The following JAKMIP3 variants were observed in gnomAD, a reference collection of about 807,000 sequenced individuals.
JAKMIP3 encodes Janus kinase and microtubule interacting protein 3.
JAKMIP3 carries 58 observed loss-of-function variants against 118.5 expected under a neutral mutation model. The observed-to-expected ratio is 0.49, with a 90% CI of 0.40 to 0.61. The LOEUF (loss-of-function observed/expected upper bound fraction) is 0.61, where lower values mean the gene tolerates loss of function less well. JAKMIP3 is among the 20% of genes least tolerant of loss of function. The probability of loss-of-function intolerance (pLI) is 0.00; values close to 1 mark genes in which losing one functional copy is unlikely to be tolerated. For synonymous variants in JAKMIP3, 486 were observed against 451.2 expected, an observed-to-expected ratio of 1.08 and a Z score of -0.98; for missense variants, 950 against 1,109.0, an observed-to-expected ratio of 0.86 and a Z score of 2.04.
intron 23 of JAKMIP3, chr10:132,169,773 G>C (rs2059301113): frequency 6.6e-6 from 1 of 152,354 alleles, no homozygotes; most frequent in South Asian, 2.1e-4. Flanking sequence ...TCCCTGCGTA[G>C]AAAATGGGAG....
chr10:132,125,570 G>T (rs927227658), intron 3 of JAKMIP3, among the ~76,000 whole-genome samples: 2 of 152,194 alleles, frequency 1.3e-5, no homozygotes, highest in African/African-American at 4.8e-5. Flanking sequence ...ACTTAAATCA[G>T]CTTGTCAGTT....
chr10:132,159,458 G>C (rs2057599732), intron 19 of JAKMIP3, among the ~76,000 whole-genome samples: 1 of 127,362 alleles, frequency 7.9e-6, no homozygotes, highest in Non-Finnish European at 1.6e-5. Flanking sequence ...ATGCTGGGTG[G>C]GGGGGCTCTC....
chr10:132,081,378 A>G (rs1030460024), intron 1 of JAKMIP3, among the ~76,000 whole-genome samples: 10 of 152,124 alleles, frequency 6.6e-5, no homozygotes, highest in Non-Finnish European at 1.2e-4. Context: ...TTTTTTGTCT[A>G]TGGTAGGAGC....
At position 132,182,847 on chromosome 10, in the gene JAKMIP3, G is replaced by A. The variant is rs2061602896; in HGVS notation, c.*1594G>A. The stretch of plus-strand genomic sequence containing the variant: ...GCATGGCTCCCTAGGTTGAAATCAG[G>A]GAAAAGCTAATAGTATCAGACAGAT... On this transcript the variant is annotated 3_prime_UTR_variant, in exon 24 of 24. Transcript: ENST00000684848. The A allele has an allele frequency of 6.6e-6, 1 of 152,152 alleles. No individual in the cohort carries two copies. Among genetic ancestry groups the A allele is most frequent in the African/African-American group, 2.4e-5 (1 of 41,430 alleles). 9.4% of individuals were successfully genotyped at this position (152,152 alleles called of 1,614,324 possible).
intron 23 of JAKMIP3, among the ~76,000 whole-genome samples, chr10:132,178,877 T>A (rs1467061407): frequency 6.6e-6 from 1 of 152,042 alleles, no homozygotes; most frequent in Admixed American, 6.5e-5. Context: ...GGCAGGGGCC[T>A]GTTCCTCCGG....
chr10:132,146,986 A>G (rs572029532), intron 13 of JAKMIP3, among the ~76,000 whole-genome samples: 37 of 152,350 alleles, frequency 2.4e-4, no homozygotes, highest in African/African-American at 7.7e-4. Context: ...AAATGCTGGC[A>G]TGTACACTTG....
intron 13 of JAKMIP3, among the ~76,000 whole-genome samples, chr10:132,145,931 C>A (rs1214997095): frequency 6.6e-6 from 1 of 152,178 alleles, no homozygotes; most frequent in Non-Finnish European, 1.5e-5. Context: ...TAGAATCATC[C>A]CCCTGGGAAG....
chr10:132,138,939 C>T (rs2052492666), intron 9 of JAKMIP3, among the ~76,000 whole-genome samples: 1 of 152,216 alleles, frequency 6.6e-6, no homozygotes, highest in Admixed American at 6.5e-5. Context: ...ATGTGAACAC[C>T]TGTCATCATT....
At chr10:132,038,057 G>A (rs1327997630) in intron 1 of JAKMIP3, among the ~76,000 whole-genome samples, 3 of 152,236 alleles carry the variant, frequency 2.0e-5, no homozygotes, top group Admixed American at 6.5e-5. Flanking sequence ...AGTTCATTGA[G>A]GATATAGTTT....
intron 2 of JAKMIP3, among the ~76,000 whole-genome samples, chr10:132,113,255 C>T (rs977966600): frequency 6.6e-6 from 1 of 152,218 alleles, no homozygotes; most frequent in Non-Finnish European, 1.5e-5. Flanking sequence ...TGCACCCAGT[C>T]ACTTTTATAC....
intron 23 of JAKMIP3, among the ~76,000 whole-genome samples, chr10:132,170,742 G>A (rs1025883316): frequency 2.6e-5 from 4 of 152,194 alleles, no homozygotes; most frequent in Admixed American, 6.5e-5. Context: ...CAGGCCTGTC[G>A]GCATGGCGGG....
At chr10:132,148,563 G>A (rs959036817) in intron 14 of JAKMIP3, among the ~76,000 whole-genome samples, 1 of 152,166 alleles carries the variant, frequency 6.6e-6, no homozygotes, top group Admixed American at 6.5e-5. Flanking sequence ...AGCTGGTGTG[G>A]GGCTCTGTCC....
At chr10:132,070,361 T>C (rs2039644155) in intron 1 of JAKMIP3, among the ~76,000 whole-genome samples, 1 of 152,208 alleles carries the variant, frequency 6.6e-6, no homozygotes, top group African/African-American at 2.4e-5. Flanking sequence ...TTGGTCAGGC[T>C]GGTCTTGAAC....
At chr10:132,159,824 GGC>G (rs2057794640) in intron 19 of JAKMIP3, among the ~76,000 whole-genome samples, 14 of 75,556 alleles carry the variant, frequency 1.9e-4, no homozygotes, top group East Asian at 8.9e-4. Flanking sequence ...GATGCTGGGG[GGC>G]CTCTCCCTGT....
chr10:132,142,494 CG>C (rs1295946122), intron 11 of JAKMIP3, among the ~76,000 whole-genome samples: 1 of 152,206 alleles, frequency 6.6e-6, no homozygotes, highest in Non-Finnish European at 1.5e-5. Flanking sequence ...GCCCCGGCCC[CG>C]GCCCCTCTCC....
chr10:132,183,427 G>T lies in JAKMIP3; in HGVS notation c.*2174G>T, dbSNP rs746439808. ...CCCTCATGTTTATTTGGGTCATCATGGTTTAGCATGTTGTATATATGTCTG... is the reference window on the plus strand; with the variant it reads ...CCCTCATGTTTATTTGGGTCATCATTGTTTAGCATGTTGTATATATGTCTG... On this transcript the variant is annotated 3_prime_UTR_variant, in exon 24 of 24. Transcript: ENST00000684848. 4 of 152,192 alleles carry T rather than the reference G, an allele frequency of 2.6e-5. No individual in the cohort carries two copies. The highest frequency in any genetic ancestry group is 5.9e-5 in the Non-Finnish European group (4 of 68,042). The allele number at this position is 152,192 out of a possible 1,614,324, so 9.4% of individuals were successfully genotyped here. A position where few individuals can be genotyped will look rare whatever the true frequency, so the allele number is the denominator to read the frequency against.
chr10:132,164,947 G>A (rs912165264), intron 21 of JAKMIP3, among the ~76,000 whole-genome samples: 36 of 152,296 alleles, frequency 2.4e-4, no homozygotes, highest in Middle Eastern at 3.4e-3. Flanking sequence ...CTCTGGACCC[G>A]GAGACAGGAG....
chr10:132,103,214 G>GAA (rs2045285822), intron 1 of JAKMIP3, among the ~76,000 whole-genome samples: 1 of 151,924 alleles, frequency 6.6e-6, no homozygotes, highest in African/African-American at 2.4e-5. Context: ...TGGTCATGGT[G>GAA]GGGATGGAAG....
At position 132,139,415 on chromosome 10, in the gene JAKMIP3, A is replaced by AGT. The variant is rs760839058; in HGVS notation, c.1345-1023_1345-1022dup. On this transcript the variant is annotated intron_variant, in intron 9 of 23. Transcript: ENST00000684848. ...ATGAGTATGTGAGTGTGTATGTGTG[A>AGT]GTGTGTGTGTGTGTTTGTGTGTACA... 1.0e-4 allele frequency among the ~76,000 whole-genome samples: 4 copies of AGT among 38,394 alleles called. 1 individual carries two copies. The highest frequency in any genetic ancestry group is 1.7e-4 in the Non-Finnish European group (4 of 23,372). 25.2% of individuals were successfully genotyped at this position (38,394 alleles called of 152,430 possible). A position where few individuals can be genotyped will look rare whatever the true frequency, so the allele number is the denominator to read the frequency against.
Sources: allele counts gnomAD v4.1 joint callset (sites outside exome capture counted in the v4.1 genomes callset), GRCh38; gene constraint gnomAD v4.1.1; transcripts MANE v1.5; gene names NCBI Gene and HGNC (gene_info 2026-07-23, HGNC 2026-07-21).